DTWD2: variants seen among roughly 807,000 people sequenced by gnomAD.
The protein encoded by DTWD2 is DTW motif tRNA-uridine aminocarboxypropyltransferase 2.
DTWD2 carries 39 observed loss-of-function variants against 31.8 expected under a neutral mutation model. That is an observed-to-expected ratio of 1.22 (90% CI 0.95 to 1.60). DTWD2 has a LOEUF of 1.60. Among genes scored for constraint, DTWD2 ranks in the 40% most tolerant of loss-of-function variants. The pLI, the probability that DTWD2 is intolerant of heterozygous loss-of-function variation, is 0.00. For synonymous variants in DTWD2, 180 were observed against 142.8 expected, an observed-to-expected ratio of 1.26 and a Z score of -1.86; for missense variants, 515 against 381.5, an observed-to-expected ratio of 1.35 and a Z score of -2.92.
rs556904600 is a variant in DTWD2 at position 118,947,715 on chromosome 5, C to T, written c.219-3066G>A. ...TTCCAGGCTTGAGGGTGGGGCTTTG[C>T]CAGGGACCTTGCCCTTTTCTGCCTA... On this transcript the variant is annotated intron_variant, in intron 1 of 5. Transcript: ENST00000510708. Among the ~76,000 whole-genome samples, 253 of 152,244 alleles carry T rather than the reference C, an allele frequency of 1.7e-3. 4 individuals are homozygous for T. In the South Asian group the frequency reaches 0.051, roughly 31 times the overall value.
intron 4 of DTWD2, among the ~76,000 whole-genome samples, chr5:118,898,494 C>G (rs1753131484): frequency 6.7e-6 from 1 of 149,272 alleles, no homozygotes; most frequent in South Asian, 2.1e-4. Context: ...CCCGTCGCTA[C>G]TGAAAAAAAA....
intron 2 of DTWD2, among the ~76,000 whole-genome samples, chr5:118,942,393 A>T (rs1387979614): frequency 6.6e-6 from 1 of 152,158 alleles, no homozygotes. Context: ...AGAAGGAAAA[A>T]CTGTATGGAT....
intron 5 of DTWD2, among the ~76,000 whole-genome samples, chr5:118,843,436 A>G (rs78899749): frequency 0.023 from 3,560 of 151,648 alleles, 57 homozygotes; most frequent in Non-Finnish European, 0.026. Context: ...GCACAATATT[A>G]TTGTAGAAAA....
At chr5:118,973,892 GC>G (rs1755060619) in intron 1 of DTWD2, 6 of 1,609,404 alleles carry the variant, frequency 3.7e-6, no homozygotes, top group Non-Finnish European at 5.1e-6. Context: ...TGGAAGAGAC[GC>G]CCCTGCTAAC....
chr5:118,847,998 T>C (rs1353434518), intron 5 of DTWD2, 92 bp downstream of exon 5: 3 of 1,324,052 alleles, frequency 2.3e-6, no homozygotes, highest in Non-Finnish European at 3.0e-6. Context: ...ACTTGTCACA[T>C]GAGTTACAAA....
intron 4 of DTWD2, among the ~76,000 whole-genome samples, chr5:118,858,011 T>G (rs1399445855): frequency 2.0e-5 from 3 of 152,192 alleles, no homozygotes; most frequent in African/African-American, 7.2e-5. Context: ...CCTGTGCTCG[T>G]TATAACAGTA....
In DTWD2 at chr5:118,897,508, G is replaced by A. The variant is rs181717221; in HGVS notation, c.597+31029C>T. Among the ~76,000 whole-genome samples the A allele has an allele frequency of 1.6e-3, 245 of 152,302 alleles. 3 individuals are homozygous for A. The highest frequency in any genetic ancestry group is 5.4e-3 in the African/African-American group (225 of 41,580). On this transcript the variant is annotated intron_variant, in intron 4 of 5. Transcript: ENST00000510708. Reference sequence around the variant, plus strand: ...ACTCCTATCACTTAGGAAAAGCTTTGTATCAGTGCAGGAAATTTTACCATT... The same window carrying A: ...ACTCCTATCACTTAGGAAAAGCTTTATATCAGTGCAGGAAATTTTACCATT...
At chr5:118,898,746 A>G (rs562163489) in intron 4 of DTWD2, among the ~76,000 whole-genome samples, 1 of 152,244 alleles carries the variant, frequency 6.6e-6, no homozygotes, top group African/African-American at 2.4e-5. Flanking sequence ...AATCTACAGT[A>G]TGGTACAAAA....
At chr5:118,849,342 G>A (rs1005119169) in intron 4 of DTWD2, among the ~76,000 whole-genome samples, 1 of 152,142 alleles carries the variant, frequency 6.6e-6, no homozygotes, top group African/African-American at 2.4e-5. Context: ...CCTCACTCCA[G>A]TTGGAATGGT....
intron 4 of DTWD2, among the ~76,000 whole-genome samples, chr5:118,865,354 G>A (rs1252270582): frequency 6.6e-6 from 1 of 151,936 alleles, no homozygotes; most frequent in Non-Finnish European, 1.5e-5. Context: ...CACTGCTTTG[G>A]ACTCATGAGT....
chr5:118,864,953 T>C (rs529932086), intron 4 of DTWD2, among the ~76,000 whole-genome samples: 124 of 152,248 alleles, frequency 8.1e-4, no homozygotes, highest in South Asian at 2.5e-3. Context: ...TCCTCTTAAA[T>C]GCAAATAAAA....
At chr5:118,952,774 T>C (rs1754495259) in intron 1 of DTWD2, among the ~76,000 whole-genome samples, 3 of 152,220 alleles carry the variant, frequency 2.0e-5, no homozygotes, top group Non-Finnish European at 4.4e-5. Flanking sequence ...TTTACAATAT[T>C]ATTTTAAGTA....
chr5:118,873,769 A>C (rs1460843142), intron 4 of DTWD2, among the ~76,000 whole-genome samples: 1 of 152,136 alleles, frequency 6.6e-6, no homozygotes, highest in Non-Finnish European at 1.5e-5. Flanking sequence ...CTCCATCTTG[A>C]GGGGCACAGA....
intron 4 of DTWD2, among the ~76,000 whole-genome samples, chr5:118,896,765 A>C (rs1421864245): frequency 1.3e-5 from 2 of 152,194 alleles, no homozygotes; most frequent in Non-Finnish European, 2.9e-5. Flanking sequence ...TAGTCAGGGT[A>C]ATCTGATTTT....
intron 4 of DTWD2, among the ~76,000 whole-genome samples, chr5:118,887,392 T>G (rs1448741842): frequency 1.3e-5 from 2 of 152,030 alleles, no homozygotes; most frequent in Non-Finnish European, 2.9e-5. Flanking sequence ...TTTTGATTGT[T>G]TGGGAAGGCT....
intron 4 of DTWD2, among the ~76,000 whole-genome samples, chr5:118,926,052 G>A (rs919504625): frequency 6.6e-6 from 1 of 152,104 alleles, no homozygotes; most frequent in Admixed American, 6.6e-5. Context: ...GGACAACACA[G>A]TGGGACCTCA....
At chr5:118,943,526 G>A (rs1441899618) in intron 2 of DTWD2, among the ~76,000 whole-genome samples, 1 of 151,112 alleles carries the variant, frequency 6.6e-6, no homozygotes, top group Non-Finnish European at 1.5e-5. Context: ...ACTCCTGCTT[G>A]GGCAACAGAG....
At chr5:118,920,441 G>T (rs1382484490) in intron 4 of DTWD2, among the ~76,000 whole-genome samples, 1 of 152,036 alleles carries the variant, frequency 6.6e-6, no homozygotes, top group African/African-American at 2.4e-5. Context: ...TAAAGGTATG[G>T]GTAGGGAAGT....
chr5:118,962,990 G>A (rs1754739829), intron 1 of DTWD2, among the ~76,000 whole-genome samples: 1 of 152,174 alleles, frequency 6.6e-6, no homozygotes, highest in Non-Finnish European at 1.5e-5. Flanking sequence ...GAACCCAGAA[G>A]ACCTAGCACT....
Sources: allele counts gnomAD v4.1 joint callset (sites outside exome capture counted in the v4.1 genomes callset), GRCh38; gene constraint gnomAD v4.1.1; transcripts MANE v1.5; gene names NCBI Gene and HGNC (gene_info 2026-07-23, HGNC 2026-07-21).